Variants in MZT2B observed in about 807,000 individuals in gnomAD.
The protein encoded by MZT2B is mitotic spindle organizing protein 2B.
MZT2B carries 11 observed loss-of-function variants against 12.1 expected under a neutral mutation model. The observed-to-expected ratio is 0.91, with a 90% CI of 0.57 to 1.50. MZT2B has a LOEUF of 1.50. Ranked by LOEUF, MZT2B falls within the 40% of genes most tolerant of loss-of-function variation. MZT2B has a pLI of 0.00. For synonymous variants in MZT2B, 85 were observed against 109.5 expected (o/e 0.78, Z 1.40); for missense variants, 209 against 227.7 (o/e 0.92, Z 0.53).
intron 2 of MZT2B, chr2:130,184,342 T>G (rs1689968182): frequency 1.0e-6 from 1 of 985,476 alleles, no homozygotes; most frequent in South Asian, 4.7e-5. Flanking sequence ...GTCCCTTATC[T>G]GGACAGGAAG....
Position 130,182,266 on chromosome 2 carries a change from T to G in MZT2B, c.-17T>G, listed in dbSNP as rs1187945128. Reference sequence around the variant, plus strand: ...GGGCGCGGCGGGGCGGAGCGCACCTTTCCGCGGGCCGCGGGGATGGCGGCG... The same window carrying G: ...GGGCGCGGCGGGGCGGAGCGCACCTGTCCGCGGGCCGCGGGGATGGCGGCG... On this transcript the variant is annotated 5_prime_UTR_variant, in exon 1 of 3. Transcript: ENST00000281871. 7.7e-7 allele frequency: 1 copy of G among 1,294,758 alleles called. No homozygotes were observed. Among genetic ancestry groups the G allele is most frequent in the East Asian group, 3.3e-5 (1 of 30,710 alleles). 80.2% of individuals were successfully genotyped at this position (1,294,758 alleles called of 1,614,324 possible).
intron 2 of MZT2B, among the ~76,000 whole-genome samples, chr2:130,186,324 A>G (rs542973428): frequency 7.9e-5 from 12 of 152,254 alleles, no homozygotes; most frequent in African/African-American, 2.4e-4. Flanking sequence ...GGGGACAACC[A>G]CCACCAGATT....
chr2:130,198,393 T>G, the MZT2B span: 1,855 of 1,355,776 alleles, frequency 1.4e-3, 479 homozygotes, highest in African/African-American at 5.0e-3. Context: ...CAACGCTACT[T>G]CCAGACCTCA....
chr2:130,196,152 C>A, the MZT2B span: 1 of 1,612,534 alleles, frequency 6.2e-7, no homozygotes, highest in African/African-American at 1.3e-5. Flanking sequence ...CACCTACCGA[C>A]CACAGTGGGC....
At chr2:130,198,278 C>A in the MZT2B span, 2 of 1,328,150 alleles carry the variant, frequency 1.5e-6, 1 homozygote, top group Non-Finnish European at 2.1e-6. Flanking sequence ...CGCCCAGGCC[C>A]GCAACAACGT....
rs1185969787 is a variant in MZT2B, at chr2:130,190,525, A to G, written c.376A>G (p.Ser126Gly). 1.9e-6 allele frequency: 3 copies of G among 1,613,880 alleles called. No homozygotes were observed. The highest frequency in any genetic ancestry group is 2.5e-6 in the Non-Finnish European group (3 of 1,180,014). ...GGALALAERS[S>G]REGSSQRMPR... ...AGCATTGGCCCTGGCGGAACGCAGC[A>G]GCCGCGAAGGATCCAGCCAGAGGAT... Residue 126 changes from serine (S) to glycine (G), a missense_variant, in exon 3 of 3, where the codon AGC (serine) becomes GGC (glycine). By Grantham distance (56) the Ser-to-Gly change is moderately conservative. Coordinates refer to ENST00000281871, the MANE Select transcript of MZT2B (RefSeq NM_025029.5).
the MZT2B span, among the ~76,000 whole-genome samples, chr2:130,203,385 C>A: frequency 6.6e-6 from 1 of 152,114 alleles, no homozygotes; most frequent in East Asian, 1.9e-4. Context: ...AGCCGCCCTG[C>A]CAGCTTGCTC....
chr2:130,185,310 C>CAAAA (rs34780324), intron 2 of MZT2B, among the ~76,000 whole-genome samples: 1 of 117,328 alleles, frequency 8.5e-6, no homozygotes. Flanking sequence ...GACTCCGTCT[C>CAAAA]AAAAAAAAAA....
At chr2:130,202,255 C>G in the MZT2B span, 2 of 1,222,864 alleles carry the variant, frequency 1.6e-6, no homozygotes, top group Non-Finnish European at 2.1e-6. Context: ...AGTCAGCTAA[C>G]AACGTTTACA....
Position 130,187,935 on chromosome 2 carries a change from A to G in MZT2B, c.320-2534A>G, listed in dbSNP as rs991181083. On this transcript the variant is annotated intron_variant, in intron 2 of 2. Transcript: ENST00000281871. The stretch of plus-strand genomic sequence containing the variant: ...GCCCCATGCTTGTAGTCCCAGCTAC[A>G]TCGGAGGCTGAGGCAGGAAGATCCC... Among the ~76,000 whole-genome samples, 5 of 152,188 alleles carry G rather than the reference A, an allele frequency of 3.3e-5. No homozygotes were observed. The East Asian group carries it at 5.8e-4, about 18-fold the overall frequency.
At chr2:130,184,378 A>G (rs1463586639) in intron 2 of MZT2B, 1 of 985,244 alleles carries the variant, frequency 1.0e-6, no homozygotes, top group Non-Finnish European at 1.2e-6. Flanking sequence ...AGAGACTCCC[A>G]CCTTCCCAGA....
Position 130,182,739 on chromosome 2 carries a change from G to T in MZT2B, c.283G>T (p.Val95Leu), listed in dbSNP as rs1156631332. The T allele has an allele frequency of 2.6e-6, 4 of 1,526,702 alleles. No homozygotes were observed. Among genetic ancestry groups the T allele is most frequent in the Non-Finnish European group, 3.5e-6 (4 of 1,133,054 alleles). 94.6% of individuals were successfully genotyped at this position (1,526,702 alleles called of 1,614,324 possible). A position where few individuals can be genotyped will look rare whatever the true frequency, so the allele number is the denominator to read the frequency against. The change falls in exon 2 of 3, where the codon GTG becomes TTG. Residue 95 changes from valine (V) to leucine (L), a missense_variant. Transcript: ENST00000281871. ...LASEPQDPAAVSLPTSSVPET... is the reference protein window; with the variant it reads ...LASEPQDPAALSLPTSSVPET... ...GAGCGAGCCCCAGGACCCTGCGGCC[G>T]TGTCTCTGCCCACGTCGAGCGTGCC...
chr2:130,185,104 T>C (rs1442233147), intron 2 of MZT2B, among the ~76,000 whole-genome samples: 1 of 151,688 alleles, frequency 6.6e-6, no homozygotes. Flanking sequence ...GGTCAGGAGA[T>C]TGAGACCATC....
intron 2 of MZT2B, chr2:130,184,874 C>T (rs555945859): frequency 5.1e-6 from 5 of 985,306 alleles, no homozygotes; most frequent in Non-Finnish European, 6.0e-6. Context: ...GTGAGGAAAA[C>T]CACCAGCGAG....
the MZT2B span, chr2:130,204,451 G>A: frequency 3.0e-5 from 11 of 363,178 alleles, no homozygotes; most frequent in South Asian, 2.4e-4. Context: ...AGCACTTTGG[G>A]AGGTCGAGGC....
At chr2:130,183,600 C>T (rs953254980) in intron 2 of MZT2B, 2 of 986,990 alleles carry the variant, frequency 2.0e-6, no homozygotes, top group Non-Finnish European at 3.1e-6. Flanking sequence ...GGCTCCCTGC[C>T]TGGAAGCACG....
chr2:130,190,110 C>G (rs369262216), intron 2 of MZT2B, among the ~76,000 whole-genome samples: 46 of 152,298 alleles, frequency 3.0e-4, no homozygotes, highest in Non-Finnish European at 4.1e-4. Flanking sequence ...CTGATGGCAC[C>G]ATCAGGGCAG....
In MZT2B at chr2:130,182,315, G is replaced by C; in HGVS notation, c.33G>C (p.Gly11=). Residue 11 remains glycine (G), a synonymous_variant, in exon 1 of 3, where the codon GGG becomes GGC. Transcript: ENST00000281871. The part of the protein sequence containing the change: MAAQGVGPGP[G]SAAPPGLEAA... Reference sequence around the variant, plus strand: ...CGCAGGGCGTAGGGCCTGGGCCGGGGTCGGCGGCGCCCCCGGGGCTGGAGG... The same window carrying C: ...CGCAGGGCGTAGGGCCTGGGCCGGGCTCGGCGGCGCCCCCGGGGCTGGAGG... The C allele has an allele frequency of 6.6e-7, 1 of 1,515,066 alleles. No homozygotes were observed. The highest frequency in any genetic ancestry group is 2.6e-5 in the East Asian group (1 of 39,030). The allele number at this position is 1,515,066 out of a possible 1,614,324, so 93.9% of individuals were successfully genotyped here.
At chr2:130,189,080 TGA>T (rs1690167728) in intron 2 of MZT2B, among the ~76,000 whole-genome samples, 1 of 152,036 alleles carries the variant, frequency 6.6e-6, no homozygotes, top group African/African-American at 2.4e-5. Context: ...CTTTCCAGGA[TGA>T]GAGCCAGTTG....
Sources: allele counts gnomAD v4.1 joint callset (sites outside exome capture counted in the v4.1 genomes callset), GRCh38; gene constraint gnomAD v4.1.1; transcripts MANE v1.5; gene names NCBI Gene and HGNC (gene_info 2026-07-23, HGNC 2026-07-21).